The following SPTBN4 variants were observed in gnomAD, a reference collection of about 807,000 sequenced individuals.
The protein encoded by SPTBN4 is spectrin beta chain, non-erythrocytic 4.
Under a neutral mutation model 277.8 loss-of-function variants are expected in SPTBN4, and 96 were observed. The observed-to-expected ratio is 0.35, with a 90% CI of 0.29 to 0.41. SPTBN4 has a LOEUF of 0.41. Ranked by LOEUF, SPTBN4 falls within the 10% of genes least tolerant of loss-of-function variation. The pLI, the probability that SPTBN4 is intolerant of heterozygous loss-of-function variation, is 1.00. For missense variants in SPTBN4, 3,006 were observed against 3,595.7 expected (o/e 0.84, Z 4.19); for synonymous variants, 1,481 against 1,580.3 (o/e 0.94, Z 1.49).
At chr19:40,556,995 T>TTGC in intron 25 of SPTBN4, 28 bp from the exon 26 acceptor site, 4 of 1,484,784 alleles carry the variant, frequency 2.7e-6, no homozygotes, top group Non-Finnish European at 3.6e-6. Flanking sequence ...CACTTTGCTG[T>TTGC]ACCCCCCCCC....
At chr19:40,565,276 G>T in intron 27 of SPTBN4, 147 bp from the exon 28 acceptor site, 1 of 707,978 alleles carries the variant, frequency 1.4e-6, no homozygotes. Context: ...AAAAAAAAAA[G>T]AAAAGAAAAG....
intron 20 of SPTBN4, among the ~76,000 whole-genome samples, chr19:40,543,908 A>C (rs1358200907): frequency 1.3e-5 from 2 of 152,172 alleles, no homozygotes; most frequent in Non-Finnish European, 2.9e-5. Flanking sequence ...TTTTTGAATA[A>C]ATAAATTTTC....
At chr19:40,469,357 C>T (rs1403453187) in intron 1 of SPTBN4, among the ~76,000 whole-genome samples, 10 of 151,852 alleles carry the variant, frequency 6.6e-5, no homozygotes, top group South Asian at 2.1e-4. Context: ...CTTCGCCTCC[C>T]GGTTTCAAGC....
rs1242226455 is a variant in SPTBN4, at chr19:40,534,338, C to G, written c.4354C>G (p.Leu1452Val). Reference sequence around the variant, plus strand: ...CACTGTCAACAGTCAGCTCAAGAAGCTGCAGGTATGGTCTTCCTGGCCCAG... The same window carrying G: ...CACTGTCAACAGTCAGCTCAAGAAGGTGCAGGTATGGTCTTCCTGGCCCAG... Reference protein sequence around the residue: ...LATVNSQLKKLQSMESQVEEW... With the variant: ...LATVNSQLKKVQSMESQVEEW... The change falls in exon 20 of 36, where the codon CTG (leucine) becomes GTG (valine). Residue 1452 changes from leucine (L) to valine (V), a missense_variant. Physicochemically the swap from Leu to Val is conservative, Grantham distance 32 (BLOSUM62 1). Coordinates refer to ENST00000598249, the MANE Select transcript of SPTBN4 (RefSeq NM_020971.3). The G allele has an allele frequency of 6.2e-7, 1 of 1,613,040 alleles. No individual in the cohort carries two copies. The highest frequency in any genetic ancestry group is 1.7e-5 in the Admixed American group (1 of 59,996).
At chr19:40,510,557 G>A (rs547063457) in intron 13 of SPTBN4, among the ~76,000 whole-genome samples, 59 of 152,192 alleles carry the variant, frequency 3.9e-4, no homozygotes, top group Non-Finnish European at 7.9e-4. Flanking sequence ...TGCCTGCTTC[G>A]GCCTCCCAAA....
chr19:40,477,743 G>A (rs1206304490), intron 2 of SPTBN4, among the ~76,000 whole-genome samples: 1 of 152,194 alleles, frequency 6.6e-6, no homozygotes, highest in Non-Finnish European at 1.5e-5. Context: ...TAGGTAGAGG[G>A]AACTGCATAT....
intron 13 of SPTBN4, among the ~76,000 whole-genome samples, chr19:40,510,080 A>C (rs1207599161): frequency 2.0e-5 from 3 of 151,924 alleles, no homozygotes; most frequent in Non-Finnish European, 2.9e-5. Flanking sequence ...GTGCGTTGTC[A>C]TGGGGATGGG....
chr19:40,483,851 G>A (rs1599716792), intron 2 of SPTBN4, among the ~76,000 whole-genome samples: 1 of 152,178 alleles, frequency 6.6e-6, no homozygotes, highest in Non-Finnish European at 1.5e-5. Flanking sequence ...AACTGGCCAG[G>A]TGACTTCTCG....
chr19:40,569,580 C>T (rs935121957), intron 31 of SPTBN4, 77 bp from the exon 32 acceptor site: 29 of 1,477,596 alleles, frequency 2.0e-5, no homozygotes, highest in Non-Finnish European at 2.5e-5. Context: ...GAAGTGGAGG[C>T]TCCTCTGCCC....
intron 3 of SPTBN4, among the ~76,000 whole-genome samples, chr19:40,488,198 A>C (rs958859264): frequency 3.3e-5 from 5 of 150,766 alleles, no homozygotes; most frequent in African/African-American, 1.2e-4. Flanking sequence ...CCGGGTTATG[A>C]GCTAGTAGGG....
At position 40,513,187 on chromosome 19, in the gene SPTBN4, G is replaced by GAAA; in HGVS notation, c.2399_2400insAAA (p.Asp800delinsGluAsn). On this transcript the variant is annotated protein_altering_variant, in exon 14 of 36. Coordinates refer to ENST00000598249, the MANE Select transcript of SPTBN4 (RefSeq NM_020971.3). ...CGCTTACCGCCTGGCAGCCGCCGGTGACTTCGGCCACGACGAAGCTTCCAG... is the reference window on the plus strand; with the variant it reads ...CGCTTACCGCCTGGCAGCCGCCGGTGAAAACTTCGGCCACGACGAAGCTTCCAG... 1 of 1,503,350 alleles carries GAAA rather than the reference G, an allele frequency of 6.7e-7. No homozygotes were observed. The highest frequency in any genetic ancestry group is 8.8e-7 in the Non-Finnish European group (1 of 1,134,578). The allele number at this position is 1,503,350 out of a possible 1,614,324, so 93.1% of individuals were successfully genotyped here.
rs556938677 is a variant in SPTBN4, at chr19:40,502,088, G to A, written c.898-40G>A. The stretch of plus-strand genomic sequence containing the variant: ...GAAGCTGGAAGCTGGTGGCAGGCAC[G>A]GGTGGGATGAGGCTGACCCCCCTTC... On this transcript the variant is annotated intron_variant, in intron 8 of 35. Coordinates refer to ENST00000598249, the MANE Select transcript of SPTBN4 (RefSeq NM_020971.3). This position sits in a 1 kb window ranked among gnomAD's most constrained non-coding sequence, Gnocchi z 4.9. 14 of 1,613,366 alleles carry A rather than the reference G, an allele frequency of 8.7e-6. No individual in the cohort carries two copies. Among genetic ancestry groups the A allele is most frequent in the African/African-American group, 5.3e-5 (4 of 74,954 alleles).
chr19:40,548,584 A>G (rs1973098), intron 20 of SPTBN4, among the ~76,000 whole-genome samples: 21,962 of 151,970 alleles, frequency 0.14, 1,637 homozygotes, highest in Non-Finnish European at 0.16. Context: ...GCATGATGGC[A>G]GGTGCCTGTA....
intron 13 of SPTBN4, among the ~76,000 whole-genome samples, chr19:40,511,750 A>C (rs1364160914): frequency 6.6e-6 from 1 of 152,216 alleles, no homozygotes; most frequent in Non-Finnish European, 1.5e-5. Context: ...TTTAAAAAGA[A>C]AAAGGAGTGC....
Position 40,512,977 on chromosome 19 carries a change from G to T in SPTBN4, c.2188G>T (p.Gly730Cys). The change falls in exon 14 of 36, where the codon GGT becomes TGT. Residue 730 changes from glycine (G) to cysteine (C), a missense_variant. Transcript: ENST00000598249. ...TGGCGAGGAGCTGGTTGCGGCCGGCGGTGCCGTCGGCCCGGGAGCAGACAC... is the reference window on the plus strand; with the variant it reads ...TGGCGAGGAGCTGGTTGCGGCCGGCTGTGCCGTCGGCCCGGGAGCAGACAC... ...RCGEELVAAG[G>C]AVGPGADTVH... is the part of the protein sequence containing the mutation. 7.1e-7 allele frequency: 1 copy of T among 1,412,794 alleles called. No individual in the cohort carries two copies. Among genetic ancestry groups the T allele is most frequent in the Non-Finnish European group, 9.1e-7 (1 of 1,093,256 alleles). The allele number at this position is 1,412,794 out of a possible 1,614,324, so 87.5% of individuals were successfully genotyped here.
Position 40,575,480 on chromosome 19 carries a change from G to A in SPTBN4, c.7606G>A (p.Gly2536Ser), listed in dbSNP as rs2081193340. The change falls in exon 36 of 36, where the codon GGC (glycine) becomes AGC (serine). Residue 2536 changes from glycine to serine, a missense_variant. By Grantham distance (56) the Gly-to-Ser change is moderately conservative (BLOSUM62 0). This residue lies in a region of SPTBN4 where 630 missense variants were observed against 677.6 expected (regional missense o/e 0.93). Coordinates refer to ENST00000598249, the MANE Select transcript of SPTBN4 (RefSeq NM_020971.3). ...GGAACACGCAGAGATCGCCCGCTGG[G>A]GCCAGACACTACCCACTACTTCATC... ...VAEHAEIARW[G>S]QTLPTTSSTD... 2 of 1,613,420 alleles carry A rather than the reference G, an allele frequency of 1.2e-6. No individual in the cohort carries two copies.
In SPTBN4 at chr19:40,560,218, C is replaced by G; in HGVS notation, c.5730C>G (p.Ala1910=). Reference sequence around the variant, plus strand: ...GGACGGTGTATGCGGGTGAACATGCCGAGGCCATCGCTAGCCGGGAGCAGG... The same window carrying G: ...GGACGGTGTATGCGGGTGAACATGCGGAGGCCATCGCTAGCCGGGAGCAGG... ...QLRTVYAGEH[A]EAIASREQEV... Residue 1910 remains alanine, a synonymous_variant, in exon 27 of 36, where the codon GCC becomes GCG. Transcript: ENST00000598249. The surrounding 1 kb of genome is among the most constrained non-coding windows in gnomAD (Gnocchi z 5.2). The G allele has an allele frequency of 8.1e-6, 13 of 1,608,538 alleles. No homozygotes were observed. The highest frequency in any genetic ancestry group is 1.3e-5 in the African/African-American group (1 of 75,066).
At chr19:40,509,478 C>T (rs1296324782) in intron 13 of SPTBN4, among the ~76,000 whole-genome samples, 1 of 152,172 alleles carries the variant, frequency 6.6e-6, no homozygotes, top group South Asian at 2.1e-4. Flanking sequence ...CTCTTGACCT[C>T]AGGTGATCTG....
rs754163822 is a variant in SPTBN4, at chr19:40,560,333, A to G, written c.5845A>G (p.Ser1949Gly). 1 of 1,614,124 alleles carries G rather than the reference A, an allele frequency of 6.2e-7. No individual in the cohort carries two copies. The highest frequency in any genetic ancestry group is 8.5e-7 in the Non-Finnish European group (1 of 1,180,032). ...SSTADALRFH[S>G]QVRDLLSWMD... Reference sequence around the variant, plus strand: ...CACAGCCGACGCCCTGCGCTTCCACAGCCAAGTCCGCGACCTGCTCTCCTG... The same window carrying G: ...CACAGCCGACGCCCTGCGCTTCCACGGCCAAGTCCGCGACCTGCTCTCCTG... The change falls in exon 27 of 36, where the codon AGC becomes GGC. Residue 1949 changes from serine to glycine, a missense_variant. This residue lies in a region of SPTBN4 where 425 missense variants were observed against 594.7 expected (regional missense o/e 0.71). Coordinates refer to ENST00000598249, the MANE Select transcript of SPTBN4 (RefSeq NM_020971.3). The surrounding 1 kb of genome is among the most constrained non-coding windows in gnomAD (Gnocchi z 5.2).
Sources: allele counts gnomAD v4.1 joint callset (sites outside exome capture counted in the v4.1 genomes callset), GRCh38; gene constraint gnomAD v4.1.1; regional missense constraint gnomAD v4.1.1; non-coding constraint Gnocchi (gnomAD v3.1); transcripts MANE v1.5; gene names NCBI Gene and HGNC (gene_info 2026-07-23, HGNC 2026-07-21).